The following PRDM11 variants were observed in gnomAD, a reference collection of about 807,000 sequenced individuals.
The protein encoded by PRDM11 is PR domain-containing protein 11.
In PRDM11, 20 loss-of-function variants were observed where a neutral mutation model predicts 97.8. The observed-to-expected ratio is 0.20, with a 90% confidence interval of 0.14 to 0.30. The LOEUF (loss-of-function observed/expected upper bound fraction) is 0.30. PRDM11 is among the 10% of genes least tolerant of loss of function. The probability of loss-of-function intolerance (pLI) is 1.00; values close to 1 mark genes in which losing one functional copy is unlikely to be tolerated. For missense variants in PRDM11, 1,139 were observed against 1,555.2 expected, an observed-to-expected ratio of 0.73 and a Z score of 4.50; for synonymous variants, 599 against 637.7, an observed-to-expected ratio of 0.94 and a Z score of 0.91.
At chr11:45,107,064 C>T (rs1852074232) in intron 1 of PRDM11, among the ~76,000 whole-genome samples, 1 of 152,184 alleles carries the variant, frequency 6.6e-6, no homozygotes, top group Non-Finnish European at 1.5e-5. Flanking sequence ...GCCAGCAATA[C>T]CTGGGCTTCA....
At position 45,146,749 on chromosome 11, in the gene PRDM11, C is replaced by A; in HGVS notation, c.-135C>A. The A allele has an allele frequency of 6.7e-6, 1 of 148,550 alleles. No homozygotes were observed. Among genetic ancestry groups the A allele is most frequent in the South Asian group, 2.0e-4 (1 of 5,016 alleles). 9.2% of individuals were successfully genotyped at this position (148,550 alleles called of 1,614,324 possible). A position where few individuals can be genotyped will look rare whatever the true frequency, so the allele number is the denominator to read the frequency against. ...GCTGAAACTTTGCCTCGCCGGGGAC[C>A]AGCGCGCCCGCAGCGCGGCCGCTCC... On this transcript the variant is annotated 5_prime_UTR_variant, in exon 1 of 8. Transcript: ENST00000683152.
At chr11:45,098,342 G>A (rs1040950058) in intron 1 of PRDM11, among the ~76,000 whole-genome samples, 3 of 152,220 alleles carry the variant, frequency 2.0e-5, no homozygotes, top group African/African-American at 7.2e-5. Context: ...CATTGAGCAG[G>A]GGATGTGTAC....
chr11:45,144,619 C>T (rs1193720511), upstream of PRDM11, among the ~76,000 whole-genome samples: 1 of 152,238 alleles, frequency 6.6e-6, no homozygotes, highest in East Asian at 1.9e-4. Context: ...TCTCCGATAT[C>T]TCTGCCTCAC....
chr11:45,119,721 G>A (rs575765760), intron 1 of PRDM11, among the ~76,000 whole-genome samples: 1 of 149,780 alleles, frequency 6.7e-6, no homozygotes, highest in Admixed American at 6.6e-5. Flanking sequence ...ATACTGTAAT[G>A]CAGCCACAAG....
intron 4 of PRDM11, among the ~76,000 whole-genome samples, chr11:45,203,137 T>C (rs1256670094): frequency 6.6e-6 from 1 of 152,164 alleles, no homozygotes; most frequent in East Asian, 1.9e-4. Context: ...CTAGGTTAGG[T>C]AGGAGTCTAG....
At chr11:45,107,107 C>T (rs949098886) in intron 1 of PRDM11, among the ~76,000 whole-genome samples, 8 of 152,190 alleles carry the variant, frequency 5.3e-5, no homozygotes, top group Non-Finnish European at 8.8e-5. Context: ...AAGGCACCCA[C>T]CTGGTGTTTA....
chr11:45,173,311 T>C (rs946327198), intron 1 of PRDM11, among the ~76,000 whole-genome samples: 12 of 152,100 alleles, frequency 7.9e-5, no homozygotes, highest in African/African-American at 2.7e-4. Context: ...CAGGATCCAC[T>C]GTGAGAAGCA....
intron 1 of PRDM11, among the ~76,000 whole-genome samples, chr11:45,180,063 T>C (rs550413883): frequency 7.9e-5 from 12 of 152,256 alleles, no homozygotes; most frequent in Non-Finnish European, 1.6e-4. Context: ...GGATACTGCA[T>C]GGTGAAGCCA....
intron 1 of PRDM11, among the ~76,000 whole-genome samples, chr11:45,165,849 T>C (rs1464570629): frequency 1.3e-5 from 2 of 152,198 alleles, no homozygotes; most frequent in Non-Finnish European, 2.9e-5. Context: ...TTCTAGTTAA[T>C]GGGCCCTTCA....
At chr11:45,209,068 G>A (rs1853619286) in intron 5 of PRDM11, 1 of 456,694 alleles carries the variant, frequency 2.2e-6, no homozygotes. Context: ...CAGGTGCCCC[G>A]CTCCGTCAAG....
At chr11:45,175,049 CT>C (rs1016483824) in intron 1 of PRDM11, among the ~76,000 whole-genome samples, 2 of 152,236 alleles carry the variant, frequency 1.3e-5, no homozygotes, top group Non-Finnish European at 2.9e-5. Context: ...CCCATACACC[CT>C]GCCCCCACAC....
intron 1 of PRDM11, among the ~76,000 whole-genome samples, chr11:45,147,166 C>A (rs1397431766): frequency 1.3e-5 from 2 of 151,836 alleles, no homozygotes; most frequent in East Asian, 1.9e-4. Flanking sequence ...CTCGCTCGCT[C>A]CTCGCCTTGT....
chr11:45,107,483 G>C (rs574231754), intron 1 of PRDM11, among the ~76,000 whole-genome samples: 1 of 152,192 alleles, frequency 6.6e-6, no homozygotes, highest in Non-Finnish European at 1.5e-5. Flanking sequence ...CAGTTGTGAA[G>C]AGTAAGTCTA....
upstream of PRDM11, among the ~76,000 whole-genome samples, chr11:45,143,464 A>C (rs1851446823): frequency 6.6e-6 from 1 of 152,100 alleles, no homozygotes; most frequent in Non-Finnish European, 1.5e-5. Flanking sequence ...TTGCAAGAAG[A>C]GGTCATAATG....
intron 5 of PRDM11, among the ~76,000 whole-genome samples, chr11:45,217,320 T>G (rs944139316): frequency 2.6e-5 from 4 of 152,144 alleles, no homozygotes; most frequent in Admixed American, 2.0e-4. Flanking sequence ...TTCTCTTAAG[T>G]CCTTTGTTAA....
intron 4 of PRDM11, among the ~76,000 whole-genome samples, chr11:45,200,453 A>G (rs1050878831): frequency 6.6e-6 from 1 of 152,212 alleles, no homozygotes; most frequent in Non-Finnish European, 1.5e-5. Context: ...CAGTGCTACA[A>G]GGTTGGTTTT....
At chr11:45,168,487 G>A (rs1181405355) in intron 1 of PRDM11, among the ~76,000 whole-genome samples, 3 of 152,158 alleles carry the variant, frequency 2.0e-5, no homozygotes, top group East Asian at 1.9e-4. Flanking sequence ...AGTGGCTGGC[G>A]GTGGGTTCCT....
intron 1 of PRDM11, among the ~76,000 whole-genome samples, chr11:45,169,052 C>T (rs1184947172): frequency 6.6e-6 from 1 of 152,190 alleles, no homozygotes; most frequent in East Asian, 1.9e-4. Flanking sequence ...GGAGGAGCCC[C>T]CTCTGCCTGC....
chr11:45,165,238 C>A (rs897863880), intron 1 of PRDM11, among the ~76,000 whole-genome samples: 10 of 152,164 alleles, frequency 6.6e-5, no homozygotes, highest in Non-Finnish European at 1.5e-4. Context: ...CTCTCCCATG[C>A]CCCTTGGGAG....
Sources: gnomAD v4.1 joint callset for allele counts (sites outside exome capture counted in the v4.1 genomes callset) on GRCh38, gnomAD v4.1.1 for gene constraint, MANE v1.5 for transcripts, NCBI Gene and HGNC (gene_info 2026-07-23, HGNC 2026-07-21) for gene names.